The following ZFP1 variants were observed in gnomAD, a reference collection of about 807,000 sequenced individuals.
ZFP1 encodes the protein zinc finger protein 1 homolog.
A neutral mutation model predicts 38.5 loss-of-function variants in ZFP1; 32 were observed. The observed-to-expected ratio is 0.83, with a 90% CI of 0.63 to 1.12. The LOEUF (loss-of-function observed/expected upper bound fraction) is 1.12. Ranked by LOEUF, ZFP1 falls within the 50% of genes most tolerant of loss-of-function variation. The pLI, the probability that ZFP1 is intolerant of heterozygous loss-of-function variation, is 0.00. For synonymous variants in ZFP1, 245 were observed against 168.8 expected, an observed-to-expected ratio of 1.45 and a Z score of -3.50; for missense variants, 616 against 480.8, an observed-to-expected ratio of 1.28 and a Z score of -2.63.
At chr16:75,124,897 G>T in the ZFP1 span, among the ~76,000 whole-genome samples, 7 of 132,828 alleles carry the variant, frequency 5.3e-5, no homozygotes, top group Admixed American at 4.7e-4. Flanking sequence ...AGCTTAAAGA[G>T]AAATAATTTC....
At chr16:75,135,035 C>T in the ZFP1 span, among the ~76,000 whole-genome samples, 1 of 149,084 alleles carries the variant, frequency 6.7e-6, no homozygotes, top group Non-Finnish European at 1.5e-5. Context: ...GCCTGGGCAA[C>T]AACAGTGAAA....
intron 3 of ZFP1, among the ~76,000 whole-genome samples, chr16:75,168,106 C>G (rs1288198179): frequency 6.6e-6 from 1 of 152,104 alleles, no homozygotes; most frequent in Non-Finnish European, 1.5e-5. Context: ...ATCCTCCTGC[C>G]TTGGCCTCCC....
intron 2 of ZFP1, among the ~76,000 whole-genome samples, chr16:75,159,970 T>C (rs980742849): frequency 1.3e-5 from 2 of 152,162 alleles, no homozygotes; most frequent in Admixed American, 1.3e-4. Context: ...ATCTCTATCT[T>C]TCTGGATTCA....
chr16:75,154,424 G>T (rs1278717862), intron 2 of ZFP1, among the ~76,000 whole-genome samples: 3 of 152,018 alleles, frequency 2.0e-5, no homozygotes, highest in African/African-American at 7.2e-5. Context: ...CAGGTTTTTT[G>T]GGGGCATGTT....
At chr16:75,144,100 G>C (rs1254039094), upstream of ZFP1, 1 of 152,196 alleles carries the variant, frequency 6.6e-6, no homozygotes. Context: ...AAAATTAATA[G>C]AGGACAATGT....
the ZFP1 span, among the ~76,000 whole-genome samples, chr16:75,135,208 T>A: frequency 1.9e-3 from 3 of 1,544 alleles, no homozygotes; most frequent in South Asian, 0.018. Context: ...AGACCTTATC[T>A]CAAAAAAAAA....
In ZFP1 at chr16:75,170,276, T is replaced by A. The variant is rs1224413901; in HGVS notation, c.1166T>A (p.Phe389Tyr). 1 of 1,611,858 alleles carries A rather than the reference T, an allele frequency of 6.2e-7. No individual in the cohort carries two copies. The highest frequency in any genetic ancestry group is 1.7e-5 in the Admixed American group (1 of 59,772). ...GAGTGTTCCGAATGTGGGAAGGCCT[T>A]TAGCAGGAAGTCCCGACTCAGTGTC... is the stretch of plus-strand genomic sequence containing the variant. Reference protein sequence around the residue: ...PYECSECGKAFSRKSRLSVHQ... With the variant: ...PYECSECGKAYSRKSRLSVHQ... The change falls in exon 4 of 4, where the codon TTT becomes TAT. Residue 389 changes from phenylalanine to tyrosine, a missense_variant. Physicochemically the swap from Phe to Tyr is conservative, Grantham distance 22. Transcript: ENST00000570010.
intron 2 of ZFP1, among the ~76,000 whole-genome samples, chr16:75,165,931 G>GTCAAA (rs1307707300): frequency 6.6e-6 from 1 of 152,008 alleles, no homozygotes; most frequent in East Asian, 1.9e-4. Flanking sequence ...TTTCAGTTTA[G>GTCAAA]ATATTTACTG....
At chr16:75,158,965 C>G (rs1432202219) in intron 2 of ZFP1, among the ~76,000 whole-genome samples, 8 of 148,862 alleles carry the variant, frequency 5.4e-5, no homozygotes, top group Admixed American at 4.0e-4. Context: ...GGCTTGATCT[C>G]CATTCACTGC....
At chr16:75,148,366 C>G (rs965978369), upstream of ZFP1, 1 of 152,228 alleles carries the variant, frequency 6.6e-6, no homozygotes, top group Non-Finnish European at 1.5e-5. Context: ...GACCGCCTAA[C>G]AAGGCGAAGA....
chr16:75,146,476 C>G (rs960863744), upstream of ZFP1, among the ~76,000 whole-genome samples: 1 of 152,060 alleles, frequency 6.6e-6, no homozygotes, highest in Non-Finnish European at 1.5e-5. Flanking sequence ...CGCAACCATA[C>G]GATTTACCCA....
At chr16:75,167,253 C>G (rs146832326) in intron 3 of ZFP1, among the ~76,000 whole-genome samples, 4 of 152,242 alleles carry the variant, frequency 2.6e-5, no homozygotes, top group African/African-American at 9.6e-5. Context: ...AGTATCCAGA[C>G]GATTATGAGC....
chr16:75,165,517 C>A (rs937145601), intron 2 of ZFP1, among the ~76,000 whole-genome samples: 2 of 152,062 alleles, frequency 1.3e-5, no homozygotes, highest in Admixed American at 1.3e-4. Context: ...GTCCCAGCCT[C>A]CCGAGTAGCT....
At chr16:75,141,231 C>G in the ZFP1 span, among the ~76,000 whole-genome samples, 2 of 105,114 alleles carry the variant, frequency 1.9e-5, no homozygotes, top group African/African-American at 3.7e-5. Context: ...GAGACGGAGT[C>G]TCGCTCTGTC....
the ZFP1 span, among the ~76,000 whole-genome samples, chr16:75,141,622 C>T: frequency 1.6e-4 from 25 of 151,922 alleles, no homozygotes; most frequent in Non-Finnish European, 2.6e-4. Flanking sequence ...TAGTGGCTCA[C>T]GCCTATAATC....
chr16:75,140,174 A>C, the ZFP1 span, among the ~76,000 whole-genome samples: 1 of 152,074 alleles, frequency 6.6e-6, no homozygotes, highest in East Asian at 1.9e-4. Flanking sequence ...AGGCTGAGGC[A>C]GGAGAATCTC....
intron 1 of ZFP1, among the ~76,000 whole-genome samples, chr16:75,149,679 C>G (rs918231059): frequency 6.6e-6 from 1 of 151,556 alleles, no homozygotes; most frequent in Non-Finnish European, 1.5e-5. Context: ...CTGCCTCAGC[C>G]TCCCGAGTAG....
chr16:75,132,769 G>A, the ZFP1 span: 1 of 142,578 alleles, frequency 7.0e-6, no homozygotes, highest in Admixed American at 7.7e-5. Flanking sequence ...TGGTTCTCTT[G>A]CCTCAGCCTC....
Position 75,170,034 on chromosome 16 carries a change from G to T in ZFP1, c.924G>T (p.Lys308Asn). 1.9e-6 allele frequency: 3 copies of T among 1,614,196 alleles called. No individual in the cohort carries two copies. Among genetic ancestry groups the T allele is most frequent in the Non-Finnish European group, 2.5e-6 (3 of 1,180,040 alleles). The change falls in exon 4 of 4, where the codon AAG becomes AAT. Residue 308 changes from lysine to asparagine, a missense_variant. Physicochemically the swap from Lys to Asn is moderately conservative, Grantham distance 94. Coordinates refer to ENST00000570010, the MANE Select transcript of ZFP1 (RefSeq NM_153688.4). Reference protein sequence around the residue: ...CNECAKTFFKKSNLIIHQKIH... With the variant: ...CNECAKTFFKNSNLIIHQKIH... ...AATGTGCAAAAACCTTCTTTAAGAA[G>T]TCAAACCTTATCATACATCAGAAGA... is the stretch of plus-strand genomic sequence containing the variant.
Sources: allele counts gnomAD v4.1 joint callset (sites outside exome capture counted in the v4.1 genomes callset), GRCh38; gene constraint gnomAD v4.1.1; transcripts MANE v1.5; gene names NCBI Gene and HGNC (gene_info 2026-07-23, HGNC 2026-07-21).